CACNA2D2: variants seen among roughly 807,000 people sequenced by gnomAD.
CACNA2D2 encodes calcium voltage-gated channel auxiliary subunit alpha2delta 2.
CACNA2D2 carries 48 observed loss-of-function variants against 166.4 expected under a neutral mutation model. The observed-to-expected ratio is 0.29, with a 90% CI of 0.23 to 0.37. The LOEUF is 0.37. Among genes scored for constraint, CACNA2D2 ranks in the 10% least tolerant of loss-of-function variants. The probability of loss-of-function intolerance (pLI) is 1.00; values close to 1 mark genes in which losing one functional copy is unlikely to be tolerated. For synonymous variants in CACNA2D2, 561 were observed against 573.7 expected (o/e 0.98, Z 0.32); for missense variants, 1,122 against 1,433.0 (o/e 0.78, Z 3.50).
chr3:50,498,496 C>T (rs1294767881), intron 1 of CACNA2D2, among the ~76,000 whole-genome samples: 1 of 152,210 alleles, frequency 6.6e-6, no homozygotes, highest in Non-Finnish European at 1.5e-5. Flanking sequence ...GATGAAGCCC[C>T]TCCTCTCCTC....
chr3:50,419,412 C>CCATG (rs1707438144), intron 3 of CACNA2D2, among the ~76,000 whole-genome samples: 1 of 152,146 alleles, frequency 6.6e-6, no homozygotes, highest in African/African-American at 2.4e-5. Context: ...GGACCTGACA[C>CCATG]CATGGTTGGA....
At position 50,501,569 on chromosome 3, in the gene CACNA2D2, T is replaced by TTCTAGAG. The variant is rs1388159889; in HGVS notation, c.206+1642_206+1648dup. Among the ~76,000 whole-genome samples the TTCTAGAG allele has an allele frequency of 3.9e-5, 6 of 152,282 alleles. No homozygotes were observed. In the East Asian group the frequency reaches 1.2e-3, roughly 29 times the overall value. On this transcript the variant is annotated intron_variant, in intron 1 of 37. Coordinates refer to ENST00000424201, the MANE Select transcript of CACNA2D2 (RefSeq NM_006030.4). Reference sequence around the variant, plus strand: ...CTCTGGTCAGGTTCTCACATCGGCCTTCTAGAGGAGACTCGTGCAGGCCCA... The same window carrying TTCTAGAG: ...CTCTGGTCAGGTTCTCACATCGGCCTTCTAGAGTCTAGAGGAGACTCGTGCAGGCCCA...
chr3:50,378,464 C>T, intron 13 of CACNA2D2, 131 bp from the exon 14 acceptor site: 1 of 875,168 alleles, frequency 1.1e-6, no homozygotes, highest in South Asian at 1.5e-5. Flanking sequence ...GGGTCCTCTC[C>T]CTCTAGTGCT....
chr3:50,480,075 G>A (rs1002965257), intron 1 of CACNA2D2, among the ~76,000 whole-genome samples: 2 of 152,154 alleles, frequency 1.3e-5, no homozygotes, highest in Non-Finnish European at 2.9e-5. Flanking sequence ...CAGCCCTAGG[G>A]AGGTGAACAC....
intron 3 of CACNA2D2, among the ~76,000 whole-genome samples, chr3:50,409,980 A>C (rs1397723550): frequency 6.6e-6 from 1 of 152,170 alleles, no homozygotes; most frequent in Non-Finnish European, 1.5e-5. Context: ...GACTGAGGCC[A>C]GAGGAGGCAG....
rs561980044 is a variant in CACNA2D2 at position 50,461,745 on chromosome 3, CAAAAAAAA to C, written c.288+14365_288+14372del. On this transcript the variant is annotated intron_variant, in intron 2 of 37. Coordinates refer to ENST00000424201, the MANE Select transcript of CACNA2D2 (RefSeq NM_006030.4). The stretch of plus-strand genomic sequence containing the variant: ...CACTGCACTCCAGCCTGGGGAGTCT[CAAAAAAAA>C]AAAAAAAAAAGAAAAAAAGAAAGAA... 2.0e-4 allele frequency among the ~76,000 whole-genome samples: 8 copies of C among 40,598 alleles called. 1 individual carries two copies. In the South Asian group the frequency reaches 2.2e-3, roughly 11 times the overall value. 26.6% of individuals were successfully genotyped at this position (40,598 alleles called of 152,430 possible).
At chr3:50,381,439 A>T (rs1035874874) in intron 6 of CACNA2D2, among the ~76,000 whole-genome samples, 2 of 151,838 alleles carry the variant, frequency 1.3e-5, no homozygotes, top group African/African-American at 2.4e-5. Context: ...GGTGCTGGGA[A>T]CTCGGAGCCC....
Position 50,365,549 on chromosome 3 carries a change from C to T in CACNA2D2, c.2972-67G>A. The T allele has an allele frequency of 4.4e-6, 7 of 1,595,284 alleles. No homozygotes were observed. The South Asian group carries it at 4.5e-5, about 10-fold the overall frequency. On this transcript the variant is annotated intron_variant, in intron 34 of 37. Coordinates refer to ENST00000424201, the MANE Select transcript of CACNA2D2 (RefSeq NM_006030.4). This position sits in a 1 kb window ranked among gnomAD's most constrained non-coding sequence, Gnocchi z 4.5. ...GGCAAGGTCTCCGGCCTCCCTCAGT[C>T]GTAGACCCCACCCTCCCCATGGAGT...
In CACNA2D2 at chr3:50,364,562, G is replaced by A. The variant is rs1575576509; in HGVS notation, c.*104C>T. On this transcript the variant is annotated 3_prime_UTR_variant, in exon 38 of 38. Transcript: ENST00000424201. ...GGGCCTGGCCAGCTCAGGTCCTTCA[G>A]TGAGGGAGGGACGAGGCTCTAAGGC... is the stretch of plus-strand genomic sequence containing the variant. The A allele has an allele frequency of 7.4e-7, 1 of 1,342,532 alleles. No individual in the cohort carries two copies. Among genetic ancestry groups the A allele is most frequent in the Non-Finnish European group, 9.9e-7 (1 of 1,013,612 alleles). 83.2% of individuals were successfully genotyped at this position (1,342,532 alleles called of 1,614,324 possible).
chr3:50,492,168 C>A (rs140108154), intron 1 of CACNA2D2, among the ~76,000 whole-genome samples: 147 of 152,390 alleles, frequency 9.6e-4, no homozygotes, highest in Middle Eastern at 3.4e-3. Context: ...GGGCCTTCCC[C>A]ACGGCCATGT....
In CACNA2D2 at chr3:50,428,459, G is replaced by A. The variant is rs1213120511; in HGVS notation, c.405+5854C>T. On this transcript the variant is annotated intron_variant, in intron 3 of 37. Coordinates refer to ENST00000424201, the MANE Select transcript of CACNA2D2 (RefSeq NM_006030.4). ...ATGCCCAGCCCAGAGCCCAGTTCCT[G>A]AACAGACCCGGTCACACTGCCAACA... is the stretch of plus-strand genomic sequence containing the variant. 2.0e-5 allele frequency among the ~76,000 whole-genome samples: 3 copies of A among 152,312 alleles called. No homozygotes were observed. In the South Asian group the frequency reaches 6.2e-4, roughly 32 times the overall value.
intron 2 of CACNA2D2, among the ~76,000 whole-genome samples, chr3:50,474,089 C>T (rs1710210402): frequency 6.6e-6 from 1 of 152,198 alleles, no homozygotes. Context: ...GGAGCCACAG[C>T]CGGAGCTGCA....
At chr3:50,483,777 T>G (rs1296082148) in intron 1 of CACNA2D2, among the ~76,000 whole-genome samples, 2 of 152,126 alleles carry the variant, frequency 1.3e-5, no homozygotes, top group African/African-American at 4.8e-5. Context: ...TAGGGATCCA[T>G]ATCTCAAGGG....
rs1706638744 is a variant in CACNA2D2, at chr3:50,405,115, G to A, written c.406-10947C>T. On this transcript the variant is annotated intron_variant, in intron 3 of 37. Transcript: ENST00000424201. ...TAGGAATCTAATCAGTAATCAGACAGCTCATAATTTTCTGATTAGCTTTGA... is the reference window on the plus strand; with the variant it reads ...TAGGAATCTAATCAGTAATCAGACAACTCATAATTTTCTGATTAGCTTTGA... 2.0e-5 allele frequency among the ~76,000 whole-genome samples: 3 copies of A among 152,174 alleles called. No homozygotes were observed. In the South Asian group the frequency reaches 6.2e-4, roughly 32 times the overall value.
At chr3:50,490,049 A>G (rs935991849) in intron 1 of CACNA2D2, among the ~76,000 whole-genome samples, 13 of 152,206 alleles carry the variant, frequency 8.5e-5, no homozygotes, top group African/African-American at 2.7e-4. Context: ...AGGGATGGTC[A>G]GGAAGCAGGT....
At chr3:50,414,867 T>A (rs1240935857) in intron 3 of CACNA2D2, among the ~76,000 whole-genome samples, 5 of 152,232 alleles carry the variant, frequency 3.3e-5, no homozygotes, top group African/African-American at 1.2e-4. Context: ...GCCCACAAGC[T>A]GTTCCTGGGC....
In CACNA2D2 at chr3:50,459,115, A is replaced by G. The variant is rs140035959; in HGVS notation, c.288+17003T>C. Among the ~76,000 whole-genome samples the G allele has an allele frequency of 3.9e-3, 595 of 152,378 alleles. 1 individual carries two copies. Among genetic ancestry groups the G allele is most frequent in the Non-Finnish European group, 5.7e-3 (385 of 68,032 alleles). ...GGGAAAAGAAAAACATGGAGGGGGA[A>G]CTATGACAGACATCATATTTTGCAA... is the stretch of plus-strand genomic sequence containing the variant. On this transcript the variant is annotated intron_variant, in intron 2 of 37. Transcript: ENST00000424201.
In CACNA2D2 at chr3:50,469,785, C is replaced by T. The variant is rs548349228; in HGVS notation, c.288+6333G>A. On this transcript the variant is annotated intron_variant, in intron 2 of 37. Coordinates refer to ENST00000424201, the MANE Select transcript of CACNA2D2 (RefSeq NM_006030.4). ...TCCAGCTATTGCCCCTGGCACAGGC[C>T]CTAGGTTCAAACCCAAATCCAGCTT... Among the ~76,000 whole-genome samples the T allele has an allele frequency of 3.3e-5, 5 of 152,332 alleles. No homozygotes were observed. In the South Asian group the frequency reaches 1.0e-3, roughly 32 times the overall value.
At chr3:50,425,401 C>T (rs1267121885) in intron 3 of CACNA2D2, among the ~76,000 whole-genome samples, 2 of 152,182 alleles carry the variant, frequency 1.3e-5, no homozygotes, top group Admixed American at 6.5e-5. Flanking sequence ...GCTACCTCCT[C>T]CAGGCTGTCT....
Sources: allele counts gnomAD v4.1 joint callset (sites outside exome capture counted in the v4.1 genomes callset), GRCh38; gene constraint gnomAD v4.1.1; non-coding constraint Gnocchi (gnomAD v3.1); transcripts MANE v1.5; gene names NCBI Gene and HGNC (gene_info 2026-07-23, HGNC 2026-07-21).